Variants in NEGR1 observed in about 807,000 individuals in gnomAD.
NEGR1 encodes IgLON family member 4.
NEGR1 carries 10 observed loss-of-function variants against 40.9 expected under a neutral mutation model. The observed-to-expected ratio is 0.24, with a 90% CI of 0.15 to 0.42. The LOEUF (loss-of-function observed/expected upper bound fraction) is 0.42. NEGR1 is among the 10% of genes least tolerant of loss of function. The pLI is 1.00. For missense variants in NEGR1, 352 were observed against 438.9 expected (o/e 0.80, Z 1.77); for synonymous variants, 185 against 166.8 (o/e 1.11, Z -0.84).
chr1:72,250,063 C>G (rs144074510), intron 1 of NEGR1, among the ~76,000 whole-genome samples: 2 of 152,038 alleles, frequency 1.3e-5, no homozygotes, highest in Non-Finnish European at 2.9e-5. Context: ...ATAAAATGTG[C>G]GTAAAGTATA....
chr1:71,590,830 C>T (rs982745349), intron 6 of NEGR1, among the ~76,000 whole-genome samples: 5 of 152,122 alleles, frequency 3.3e-5, no homozygotes, highest in Non-Finnish European at 7.4e-5. Flanking sequence ...AACTCATTCA[C>T]TCATTTATTT....
At chr1:71,455,982 C>T (rs1162081084) in intron 6 of NEGR1, among the ~76,000 whole-genome samples, 4 of 152,050 alleles carry the variant, frequency 2.6e-5, no homozygotes, top group East Asian at 1.9e-4. Flanking sequence ...TACAGATAAT[C>T]GTAACATGCA....
chr1:71,771,722 A>AAAAAAAAAGG (rs1656333440), intron 3 of NEGR1, among the ~76,000 whole-genome samples: 23 of 148,270 alleles, frequency 1.6e-4, no homozygotes, highest in East Asian at 3.9e-4. Flanking sequence ...AAAAAAAAAA[A>AAAAAAAAAGG]GGTGTGAATC....
chr1:71,871,518 T>C (rs975022910), intron 2 of NEGR1, among the ~76,000 whole-genome samples: 3 of 152,188 alleles, frequency 2.0e-5, no homozygotes, highest in African/African-American at 2.4e-5. Context: ...TTAATGTTCA[T>C]TGCAAGCTCA....
chr1:71,838,117 A>G (rs941350103), intron 2 of NEGR1, among the ~76,000 whole-genome samples: 10 of 152,152 alleles, frequency 6.6e-5, no homozygotes, highest in African/African-American at 2.4e-4. Flanking sequence ...TCATGCAAAC[A>G]TAGTACATAA....
At chr1:72,278,311 T>C (rs1249551949) in intron 1 of NEGR1, among the ~76,000 whole-genome samples, 1 of 151,982 alleles carries the variant, frequency 6.6e-6, no homozygotes, top group Non-Finnish European at 1.5e-5. Flanking sequence ...TGAATTCATA[T>C]CAGAAAGGCG....
At chr1:71,558,311 A>G (rs1177523429) in intron 6 of NEGR1, among the ~76,000 whole-genome samples, 2 of 151,622 alleles carry the variant, frequency 1.3e-5, no homozygotes, top group East Asian at 3.9e-4. Context: ...AGCAATTAAA[A>G]CATATTCATG....
chr1:71,972,531 A>G (rs1250928493), intron 1 of NEGR1, among the ~76,000 whole-genome samples: 1 of 152,150 alleles, frequency 6.6e-6, no homozygotes, highest in Non-Finnish European at 1.5e-5. Flanking sequence ...TGTGTTTTTT[A>G]TTCCCTTTTA....
chr1:72,171,594 G>A lies in NEGR1; in HGVS notation c.176+110725C>T, dbSNP rs1366260998. Among the ~76,000 whole-genome samples the A allele has an allele frequency of 5.9e-5, 9 of 152,204 alleles. No individual in the cohort carries two copies. In the South Asian group the frequency reaches 1.7e-3, roughly 28 times the overall value. On this transcript the variant is annotated intron_variant, in intron 1 of 6. Coordinates refer to ENST00000357731, the MANE Select transcript of NEGR1 (RefSeq NM_173808.3). ...TTACTTTAAATGATTTCCTTCCAAT[G>A]CTTTGTCTTTTTTGCCATAAATAGT...
chr1:71,445,519 T>C (rs1268517072), intron 6 of NEGR1, among the ~76,000 whole-genome samples: 1 of 152,074 alleles, frequency 6.6e-6, no homozygotes, highest in Non-Finnish European at 1.5e-5. Context: ...TTAGAAATGA[T>C]GCCTGAAGAT....
intron 2 of NEGR1, among the ~76,000 whole-genome samples, chr1:71,895,357 T>C (rs1331793937): frequency 6.6e-6 from 1 of 152,172 alleles, no homozygotes; most frequent in African/African-American, 2.4e-5. Flanking sequence ...CCATTTTGTG[T>C]GCACAATTCA....
At chr1:71,790,587 C>T (rs1272562531) in intron 2 of NEGR1, among the ~76,000 whole-genome samples, 2 of 151,720 alleles carry the variant, frequency 1.3e-5, no homozygotes, top group Non-Finnish European at 2.9e-5. Flanking sequence ...CTCAGTTGAT[C>T]TAGTAGAAAA....
intron 6 of NEGR1, among the ~76,000 whole-genome samples, chr1:71,549,047 G>A (rs370241179): frequency 6.6e-6 from 1 of 151,624 alleles, no homozygotes; most frequent in South Asian, 2.1e-4. Flanking sequence ...TTATCCTTCT[G>A]GACACCAGAG....
Position 72,162,336 on chromosome 1 carries a change from G to A in NEGR1, c.176+119983C>T, listed in dbSNP as rs180780419. Among the ~76,000 whole-genome samples, 12 of 151,750 alleles carry A rather than the reference G, an allele frequency of 7.9e-5. No individual in the cohort carries two copies. In the East Asian group the frequency reaches 2.3e-3, roughly 29 times the overall value. ...ATAAATTAGCTGGGTGTGGTGATAG[G>A]TGCCTGTAATCCCAGCTACTTGGGA... On this transcript the variant is annotated intron_variant, in intron 1 of 6. Coordinates refer to ENST00000357731, the MANE Select transcript of NEGR1 (RefSeq NM_173808.3).
chr1:71,954,390 A>G (rs1368219876), intron 1 of NEGR1, among the ~76,000 whole-genome samples: 1 of 152,030 alleles, frequency 6.6e-6, no homozygotes, highest in Non-Finnish European at 1.5e-5. Flanking sequence ...TACATAAGGT[A>G]TATTATTAAA....
At chr1:71,652,989 G>A (rs1198931642) in intron 4 of NEGR1, among the ~76,000 whole-genome samples, 1 of 152,086 alleles carries the variant, frequency 6.6e-6, no homozygotes, top group Non-Finnish European at 1.5e-5. Context: ...GTCAGACACA[G>A]GTATTCACTG....
intron 3 of NEGR1, among the ~76,000 whole-genome samples, chr1:71,707,448 T>G (rs184352483): frequency 3.7e-4 from 56 of 152,160 alleles, no homozygotes; most frequent in African/African-American, 1.3e-3. Context: ...GGAAGAACTG[T>G]GTCTTTCAGT....
chr1:71,641,199 G>C (rs1651337911), intron 4 of NEGR1, among the ~76,000 whole-genome samples: 1 of 152,076 alleles, frequency 6.6e-6, no homozygotes, highest in African/African-American at 2.4e-5. Flanking sequence ...CAGCTTGACA[G>C]CTTTCTTGTT....
intron 1 of NEGR1, among the ~76,000 whole-genome samples, chr1:72,093,542 T>A (rs1346334921): frequency 6.6e-6 from 1 of 152,208 alleles, no homozygotes; most frequent in Admixed American, 6.5e-5. Context: ...GGTCATTATG[T>A]TCCTGTAATG....
Sources: gnomAD v4.1 joint callset for allele counts (sites outside exome capture counted in the v4.1 genomes callset) on GRCh38, gnomAD v4.1.1 for gene constraint, MANE v1.5 for transcripts, NCBI Gene and HGNC (gene_info 2026-07-23, HGNC 2026-07-21) for gene names.